The following ZBTB2 variants were observed in gnomAD, a reference collection of about 807,000 sequenced individuals.
The protein encoded by ZBTB2 is zinc finger and BTB domain-containing protein 2.
ZBTB2 carries 2 observed loss-of-function variants against 39.5 expected under a neutral mutation model. The observed-to-expected ratio is 0.05, with a 90% CI of 0.02 to 0.16. The LOEUF is 0.16. Among genes scored for constraint, ZBTB2 ranks in the 10% least tolerant of loss-of-function variants. The probability of loss-of-function intolerance (pLI) is 1.00; values close to 1 mark genes in which losing one functional copy is unlikely to be tolerated. For missense variants in ZBTB2, 391 were observed against 653.0 expected (o/e 0.60, Z 4.37); for synonymous variants, 251 against 256.6 (o/e 0.98, Z 0.21).
intron 2 of ZBTB2, among the ~76,000 whole-genome samples, chr6:151,373,168 A>C: frequency 6.9e-6 from 1 of 144,182 alleles, no homozygotes; most frequent in Non-Finnish European, 1.5e-5. Context: ...AAAAAAAAAA[A>C]AAAAAAAAAA....
chr6:151,367,190 G>C (rs1330933234), intron 2 of ZBTB2, among the ~76,000 whole-genome samples: 3 of 151,110 alleles, frequency 2.0e-5, no homozygotes, highest in African/African-American at 7.3e-5. Context: ...GCACAATCTC[G>C]GCTCACTGCA....
intron 1 of ZBTB2, among the ~76,000 whole-genome samples, chr6:151,386,406 G>GTGCC (rs1779148533): frequency 6.6e-6 from 1 of 152,174 alleles, no homozygotes; most frequent in Non-Finnish European, 1.5e-5. Context: ...GTGGTGGCAT[G>GTGCC]TGCCCATGGT....
At chr6:151,373,348 G>A in intron 2 of ZBTB2, 117 bp downstream of exon 2, 1 of 1,138,958 alleles carries the variant, frequency 8.8e-7, no homozygotes, top group East Asian at 2.4e-5. Context: ...AGGCCACAAG[G>A]GAGCAGGTCA....
intron 1 of ZBTB2, among the ~76,000 whole-genome samples, chr6:151,381,776 C>T (rs1459713137): frequency 6.6e-6 from 1 of 152,198 alleles, no homozygotes; most frequent in East Asian, 1.9e-4. Flanking sequence ...GTTGCTCCCT[C>T]TTTATTTTGC....
Position 151,365,357 on chromosome 6 carries a change from C to T in ZBTB2, c.*164G>A, listed in dbSNP as rs751403946. ...CGATACATTCCAGGTTTATAATGCA[C>T]AAAGCCTTTACAGAGGTGGGGCTGG... On this transcript the variant is annotated 3_prime_UTR_variant, in exon 3 of 3. Transcript: ENST00000325144. The surrounding 1 kb of genome is among the most constrained non-coding windows in gnomAD (Gnocchi z 5.6). The T allele has an allele frequency of 1.5e-5, 11 of 747,136 alleles. No individual in the cohort carries two copies. The highest frequency in any genetic ancestry group is 2.1e-5 in the Non-Finnish European group (10 of 469,240). 46.3% of individuals were successfully genotyped at this position (747,136 alleles called of 1,614,324 possible). A position where few individuals can be genotyped will look rare whatever the true frequency, so the allele number is the denominator to read the frequency against.
At chr6:151,388,428 G>C (rs572030658) in intron 1 of ZBTB2, among the ~76,000 whole-genome samples, 29 of 152,332 alleles carry the variant, frequency 1.9e-4, no homozygotes, top group Non-Finnish European at 2.9e-4. Context: ...TCTCTATTTT[G>C]TAAGTCTCAA....
At chr6:151,384,511 T>C (rs1779109681) in intron 1 of ZBTB2, among the ~76,000 whole-genome samples, 2 of 152,046 alleles carry the variant, frequency 1.3e-5, no homozygotes, top group Non-Finnish European at 2.9e-5. Context: ...ATTTAGAAGG[T>C]AAAAAATCAA....
chr6:151,377,716 A>C lies in ZBTB2; in HGVS notation c.-12-4067T>G, dbSNP rs1180615599. Among the ~76,000 whole-genome samples the C allele has an allele frequency of 9.9e-5, 15 of 151,684 alleles. 1 individual carries two copies. The highest frequency in any genetic ancestry group is 9.9e-4 in the Admixed American group (15 of 15,204). ...CACCATGCCCAGCTTATTTTTTAGTAGAGATGGGGTTTCACCATGTTGTTA... is the reference window on the plus strand; with the variant it reads ...CACCATGCCCAGCTTATTTTTTAGTCGAGATGGGGTTTCACCATGTTGTTA... On this transcript the variant is annotated intron_variant, in intron 1 of 2. Transcript: ENST00000325144.
rs1225743434 is a variant in ZBTB2 at position 151,366,109 on chromosome 6, C to G, written c.957G>C (p.Glu319Asp). Residue 319 changes from glutamate (E) to aspartate (D), a missense_variant, in exon 3 of 3, where the codon GAG becomes GAC. This residue lies in a region of ZBTB2 where 80 missense variants were observed against 125.2 expected (regional missense o/e 0.64). Coordinates refer to ENST00000325144, the MANE Select transcript of ZBTB2 (RefSeq NM_020861.3). The surrounding 1 kb of genome is among the most constrained non-coding windows in gnomAD (Gnocchi z 7.1). Reference sequence around the variant, plus strand: ...TGGGAGAATCAGAGATGTGCTGCAGCTCACTGTCACTTATCATCCCGGCTT... The same window carrying G: ...TGGGAGAATCAGAGATGTGCTGCAGGTCACTGTCACTTATCATCCCGGCTT... The part of the protein sequence containing the change: ...VPEAGMISDS[E>D]LQHISDSPII... The G allele has an allele frequency of 8.7e-6, 14 of 1,614,192 alleles. No homozygotes were observed. Among genetic ancestry groups the G allele is most frequent in the Non-Finnish European group, 1.2e-5 (14 of 1,180,042 alleles).
chr6:151,368,529 AC>A (rs1778701688), intron 2 of ZBTB2, among the ~76,000 whole-genome samples: 1 of 151,614 alleles, frequency 6.6e-6, no homozygotes, highest in African/African-American at 2.4e-5. Context: ...ATCTCAGCTC[AC>A]TGCACCCTCC....
chr6:151,389,266 G>A (rs1280797537), intron 1 of ZBTB2, among the ~76,000 whole-genome samples: 2 of 151,234 alleles, frequency 1.3e-5, no homozygotes, highest in Admixed American at 1.3e-4. Context: ...CTTACTAAAA[G>A]GAAAAAAGAA....
At chr6:151,384,832 G>A (rs996003707) in intron 1 of ZBTB2, among the ~76,000 whole-genome samples, 2 of 152,190 alleles carry the variant, frequency 1.3e-5, no homozygotes, top group Non-Finnish European at 2.9e-5. Context: ...CACTGTAGTT[G>A]AGAGAGGTTA....
chr6:151,385,641 A>C (rs191883082), intron 1 of ZBTB2, among the ~76,000 whole-genome samples: 9 of 152,368 alleles, frequency 5.9e-5, no homozygotes, highest in African/African-American at 1.9e-4. Context: ...GAAGTCCTTG[A>C]TTTTATTTAA....
intron 1 of ZBTB2, 33 bp from the exon 2 acceptor site, chr6:151,373,682 T>C (rs909338254): frequency 3.8e-6 from 6 of 1,589,484 alleles, no homozygotes; most frequent in Non-Finnish European, 5.2e-6. Flanking sequence ...TTTAAGAAGG[T>C]GATTCACAAA....
intron 2 of ZBTB2, 134 bp downstream of exon 2, chr6:151,373,331 G>A: frequency 1.1e-6 from 1 of 874,866 alleles, no homozygotes; most frequent in Non-Finnish European, 1.8e-6. Context: ...GGTAGTGGGG[G>A]CGAGTGAGGC....
At position 151,366,661 on chromosome 6, in the gene ZBTB2, A is replaced by G; in HGVS notation, c.405T>C (p.Ile135=). ...VFPLASSLYG[I]QIADHQLRQA... is the part of the protein sequence containing the mutation. ...GTCTCAACTGATGATCTGCAATCTGAATGCCATACAATGAAGAAGCCAGTG... is the reference window on the plus strand; with the variant it reads ...GTCTCAACTGATGATCTGCAATCTGGATGCCATACAATGAAGAAGCCAGTG... Residue 135 remains isoleucine (I), a synonymous_variant, in exon 3 of 3, where the codon ATT becomes ATC. Transcript: ENST00000325144. This position sits in a 1 kb window ranked among gnomAD's most constrained non-coding sequence, Gnocchi z 7.1. 6.2e-7 allele frequency: 1 copy of G among 1,614,118 alleles called. No homozygotes were observed. The highest frequency in any genetic ancestry group is 8.5e-7 in the Non-Finnish European group (1 of 1,180,014).
At chr6:151,379,079 CT>C (rs1450695150) in intron 1 of ZBTB2, among the ~76,000 whole-genome samples, 1 of 152,124 alleles carries the variant, frequency 6.6e-6, no homozygotes, top group Non-Finnish European at 1.5e-5. Flanking sequence ...TTATTTGCTG[CT>C]GCTTTTAAGT....
chr6:151,367,086 C>T (rs1456138096), intron 2 of ZBTB2, among the ~76,000 whole-genome samples, 194 bp from the exon 3 acceptor site: 1 of 151,662 alleles, frequency 6.6e-6, no homozygotes, highest in Non-Finnish European at 1.5e-5. Flanking sequence ...TATCTTAATC[C>T]ACAGATTCTT....
chr6:151,370,063 C>G (rs1230123969), intron 2 of ZBTB2: 2 of 971,292 alleles, frequency 2.1e-6, no homozygotes, highest in African/African-American at 3.5e-5. Context: ...TGGTCTTTTC[C>G]CAGTCCTGTG....
Sources: gnomAD v4.1 joint callset for allele counts (sites outside exome capture counted in the v4.1 genomes callset) on GRCh38, gnomAD v4.1.1 for gene constraint, gnomAD v4.1.1 regional missense constraint, Gnocchi (gnomAD v3.1) non-coding constraint, MANE v1.5 for transcripts, NCBI Gene and HGNC (gene_info 2026-07-23, HGNC 2026-07-21) for gene names.